Variants in DCLK2 observed in about 807,000 individuals in gnomAD.
DCLK2 encodes the protein doublecortin like kinase 2.
Under a neutral mutation model 78.4 loss-of-function variants are expected in DCLK2, and 31 were observed. That is an observed-to-expected ratio of 0.40 (90% CI 0.30 to 0.53). The LOEUF (loss-of-function observed/expected upper bound fraction) is 0.53. DCLK2 is among the 20% of genes least tolerant of loss of function. The pLI is 0.61. For missense variants in DCLK2, 872 were observed against 973.7 expected, an observed-to-expected ratio of 0.90 and a Z score of 1.39; for synonymous variants, 407 against 374.9, an observed-to-expected ratio of 1.09 and a Z score of -0.99.
intron 8 of DCLK2, among the ~76,000 whole-genome samples, chr4:150,225,318 C>A (rs562727077): frequency 5.3e-5 from 8 of 152,322 alleles, no homozygotes; most frequent in Admixed American, 4.6e-4. Flanking sequence ...AGAATCATCT[C>A]CTCAATAAGA....
intron 5 of DCLK2, among the ~76,000 whole-genome samples, chr4:150,217,472 C>T (rs1025345792): frequency 6.6e-6 from 1 of 152,300 alleles, no homozygotes; most frequent in African/African-American, 2.4e-5. Context: ...TGTGCTGTAG[C>T]AAAATGGCTC....
At chr4:150,180,141 A>C (rs1737403201) in intron 2 of DCLK2, among the ~76,000 whole-genome samples, 1 of 152,238 alleles carries the variant, frequency 6.6e-6, no homozygotes, top group African/African-American at 2.4e-5. Flanking sequence ...TTAGGGAGAC[A>C]GTATGTGGTC....
intron 3 of DCLK2, among the ~76,000 whole-genome samples, chr4:150,196,437 G>C (rs935455390): frequency 5.9e-5 from 9 of 152,304 alleles, no homozygotes; most frequent in African/African-American, 2.2e-4. Context: ...GTTTTGATTA[G>C]AATCTTTCAA....
rs931988269 is a variant in DCLK2 at position 150,172,231 on chromosome 4, T to A, written c.757-20907T>A. Among the ~76,000 whole-genome samples, 9 of 152,254 alleles carry A rather than the reference T, an allele frequency of 5.9e-5. No individual in the cohort carries two copies. The Middle Eastern group carries it at 0.01, about 173-fold the overall frequency. On this transcript the variant is annotated intron_variant, in intron 2 of 15. Transcript: ENST00000296550. ...TTTGATGAAAGAGCCCCTCTCTTAT[T>A]CATCCTTTTTAAATTTTCTTTGTGC...
chr4:150,100,741 CT>C (rs931046919), intron 1 of DCLK2, among the ~76,000 whole-genome samples: 3 of 152,124 alleles, frequency 2.0e-5, no homozygotes, highest in African/African-American at 7.2e-5. Flanking sequence ...AAATTGATAA[CT>C]GTTTTTGAAA....
chr4:150,254,102 T>G (rs753260412), intron 15 of DCLK2, among the ~76,000 whole-genome samples: 27 of 152,160 alleles, frequency 1.8e-4, no homozygotes, highest in Non-Finnish European at 3.1e-4. Context: ...CGGCCTCCCA[T>G]GTACCCCGGG....
intron 2 of DCLK2, among the ~76,000 whole-genome samples, chr4:150,180,005 A>G (rs1737388287): frequency 6.6e-6 from 1 of 152,220 alleles, no homozygotes; most frequent in Non-Finnish European, 1.5e-5. Context: ...TTACTCCATA[A>G]AAGTAAGATG....
intron 8 of DCLK2, among the ~76,000 whole-genome samples, chr4:150,231,173 C>A (rs1487141390): frequency 6.6e-6 from 1 of 152,220 alleles, no homozygotes; most frequent in Non-Finnish European, 1.5e-5. Context: ...TACATTCAAC[C>A]TCCAGTGACT....
intron 1 of DCLK2, among the ~76,000 whole-genome samples, chr4:150,097,561 C>A (rs1730555065): frequency 6.6e-6 from 1 of 152,150 alleles, no homozygotes; most frequent in African/African-American, 2.4e-5. Flanking sequence ...AACATATACC[C>A]AACCAAGTTG....
chr4:150,092,680 A>G (rs767401201), intron 1 of DCLK2, among the ~76,000 whole-genome samples: 28 of 152,164 alleles, frequency 1.8e-4, no homozygotes, highest in Non-Finnish European at 3.8e-4. Context: ...TTTGAATATT[A>G]AAGGATAAAG....
At chr4:150,181,619 T>C (rs1212748918) in intron 2 of DCLK2, among the ~76,000 whole-genome samples, 1 of 151,854 alleles carries the variant, frequency 6.6e-6, no homozygotes, top group Non-Finnish European at 1.5e-5. Context: ...GATCCAGTGT[T>C]TTTTTATTTT....
chr4:150,099,968 A>C (rs1310858915), intron 1 of DCLK2, among the ~76,000 whole-genome samples: 4 of 152,308 alleles, frequency 2.6e-5, no homozygotes, highest in South Asian at 2.1e-4. Flanking sequence ...ACTGAAGTGC[A>C]GTGGTGAGAT....
chr4:150,140,576 C>T (rs1205667170), intron 2 of DCLK2, among the ~76,000 whole-genome samples: 2 of 152,202 alleles, frequency 1.3e-5, no homozygotes, highest in Non-Finnish European at 2.9e-5. Flanking sequence ...ATGAAGTGTG[C>T]ACTGCCTTAT....
chr4:150,185,779 TA>T (rs1272806637), intron 2 of DCLK2, among the ~76,000 whole-genome samples: 2 of 152,176 alleles, frequency 1.3e-5, no homozygotes, highest in Non-Finnish European at 2.9e-5. Flanking sequence ...TTGTATCTTT[TA>T]ATAGATACCA....
intron 2 of DCLK2, 68 bp from the exon 3 acceptor site, chr4:150,193,070 T>G: frequency 1.1e-6 from 1 of 926,958 alleles, no homozygotes; most frequent in Non-Finnish European, 1.7e-6. Flanking sequence ...AAAAATTCAT[T>G]TAGTTTTGCT....
At chr4:150,130,403 A>C (rs1295741112) in intron 2 of DCLK2, among the ~76,000 whole-genome samples, 3 of 152,110 alleles carry the variant, frequency 2.0e-5, no homozygotes, top group Non-Finnish European at 4.4e-5. Context: ...GGGGAGACTG[A>C]AGTAGAGAGA....
chr4:150,247,779 G>T lies in DCLK2; in HGVS notation c.1875+80G>T, dbSNP rs1001872566. On this transcript the variant is annotated intron_variant, in intron 13 of 15. Coordinates refer to ENST00000296550, the MANE Select transcript of DCLK2 (RefSeq NM_001040260.4). ...TTGCACAGGGCTGTAGCTGCGCTAG[G>T]TATTGCATTCCAGAAAGCTCCTTGG... 6.4e-6 allele frequency: 7 copies of T among 1,098,916 alleles called. No homozygotes were observed. In the Admixed American group the frequency reaches 1.4e-4, roughly 21 times the overall value. 68.1% of individuals were successfully genotyped at this position (1,098,916 alleles called of 1,614,324 possible).
At chr4:150,186,540 TG>T (rs1737950759) in intron 2 of DCLK2, among the ~76,000 whole-genome samples, 1 of 152,214 alleles carries the variant, frequency 6.6e-6, no homozygotes, top group African/African-American at 2.4e-5. Context: ...ATCACTAGAC[TG>T]TGTGCTTCTT....
chr4:150,184,540 A>G (rs1472512954), intron 2 of DCLK2, among the ~76,000 whole-genome samples: 2 of 151,866 alleles, frequency 1.3e-5, no homozygotes, highest in Non-Finnish European at 2.9e-5. Context: ...AAGATTTCCA[A>G]AGAGTGTCAA....
Sources: gnomAD v4.1 joint callset for allele counts (sites outside exome capture counted in the v4.1 genomes callset) on GRCh38, gnomAD v4.1.1 for gene constraint, MANE v1.5 for transcripts, NCBI Gene and HGNC (gene_info 2026-07-23, HGNC 2026-07-21) for gene names.